ATRNL1: variants seen among roughly 807,000 people sequenced by gnomAD.
The protein encoded by ATRNL1 is attractin-like protein 1.
Under a neutral mutation model 182.7 loss-of-function variants are expected in ATRNL1, and 95 were observed. The ratio of observed to expected loss-of-function variants is 0.52; its 90% CI spans 0.44 to 0.62. The LOEUF (loss-of-function observed/expected upper bound fraction) is 0.62. ATRNL1 is among the 20% of genes least tolerant of loss of function. The probability of loss-of-function intolerance (pLI) is 0.00; values close to 1 mark genes in which losing one functional copy is unlikely to be tolerated. For missense variants in ATRNL1, 1,471 were observed against 1,679.5 expected, an observed-to-expected ratio of 0.88 and a Z score of 2.17; for synonymous variants, 576 against 568.3, an observed-to-expected ratio of 1.01 and a Z score of -0.19.
chr10:115,221,625 G>A (rs992789504), intron 9 of ATRNL1, among the ~76,000 whole-genome samples: 1 of 152,124 alleles, frequency 6.6e-6, no homozygotes, highest in Middle Eastern at 3.2e-3. Context: ...TTAACCTTGA[G>A]ACAGTTAGAA....
rs1555051079 is a variant in ATRNL1 at position 115,700,204 on chromosome 10, A to ATTTT, written c.3796-27044_3796-27043insTTTT. Among the ~76,000 whole-genome samples the ATTTT allele has an allele frequency of 1.3e-3, 199 of 152,324 alleles. 1 individual carries two copies. The highest frequency in any genetic ancestry group is 4.6e-3 in the African/African-American group (190 of 41,580). Reference sequence around the variant, plus strand: ...ATTTATTTCTTTTGGATATATACCCAGTAATGGGATTGCTGGGTCAAATTG... The same window carrying ATTTT: ...ATTTATTTCTTTTGGATATATACCCATTTTGTAATGGGATTGCTGGGTCAAATTG... On this transcript the variant is annotated intron_variant, in intron 26 of 28. Coordinates refer to ENST00000355044, the MANE Select transcript of ATRNL1 (RefSeq NM_207303.4).
intron 26 of ATRNL1, among the ~76,000 whole-genome samples, chr10:115,597,103 T>A (rs538266636): frequency 3.3e-5 from 5 of 152,294 alleles, no homozygotes; most frequent in African/African-American, 1.2e-4. Flanking sequence ...TAGTAAAACA[T>A]TTTGATTATA....
intron 19 of ATRNL1, among the ~76,000 whole-genome samples, chr10:115,367,082 G>A (rs1857087164): frequency 9.4e-6 from 1 of 106,684 alleles, no homozygotes; most frequent in Non-Finnish European, 2.0e-5. Flanking sequence ...CTAGATTGGG[G>A]AAGTTCTCCT....
chr10:115,562,144 G>A (rs1471710042), intron 26 of ATRNL1, among the ~76,000 whole-genome samples: 1 of 152,062 alleles, frequency 6.6e-6, no homozygotes, highest in Non-Finnish European at 1.5e-5. Flanking sequence ...CTGATGAATG[G>A]ACAAATAAAA....
rs782566209 is a variant in ATRNL1 at position 115,096,708 on chromosome 10, G to A, written c.293+2665G>A. 7.8e-6 allele frequency: 10 copies of A among 1,288,220 alleles called. No individual in the cohort carries two copies. In the African/African-American group the frequency reaches 1.1e-4, roughly 14 times the overall value. 79.8% of individuals were successfully genotyped at this position (1,288,220 alleles called of 1,614,324 possible). A position where few individuals can be genotyped will look rare whatever the true frequency, so the allele number is the denominator to read the frequency against. The stretch of plus-strand genomic sequence containing the variant: ...CTTGAGGATAGAAGATTGATAGTTG[G>A]GGGAAGAAATGCAGAAGCAAATATA... On this transcript the variant is annotated intron_variant, in intron 1 of 28. Coordinates refer to ENST00000355044, the MANE Select transcript of ATRNL1 (RefSeq NM_207303.4).
At chr10:115,235,655 T>A (rs1441321312) in intron 9 of ATRNL1, among the ~76,000 whole-genome samples, 2 of 152,302 alleles carry the variant, frequency 1.3e-5, no homozygotes, top group East Asian at 3.9e-4. Context: ...GACATTTGGG[T>A]TGTTTTCACT....
intron 25 of ATRNL1, among the ~76,000 whole-genome samples, chr10:115,548,335 T>C (rs1368998067): frequency 6.6e-6 from 1 of 152,210 alleles, no homozygotes; most frequent in Admixed American, 6.5e-5. Flanking sequence ...GGTCTTCTGC[T>C]TCAAATGAGG....
At chr10:115,696,555 T>A (rs1264955191) in intron 26 of ATRNL1, among the ~76,000 whole-genome samples, 1 of 152,188 alleles carries the variant, frequency 6.6e-6, no homozygotes, top group African/African-American at 2.4e-5. Flanking sequence ...TCAAATTATA[T>A]TTTTGCTTTT....
At chr10:115,545,167 G>A (rs1029858783) in intron 25 of ATRNL1, among the ~76,000 whole-genome samples, 19 of 149,582 alleles carry the variant, frequency 1.3e-4, no homozygotes, top group Admixed American at 2.0e-4. Flanking sequence ...CCCGGGAGGC[G>A]GAGCTTGCAC....
intron 24 of ATRNL1, among the ~76,000 whole-genome samples, chr10:115,516,044 G>C (rs1231377142): frequency 6.6e-6 from 1 of 151,688 alleles, no homozygotes; most frequent in African/African-American, 2.4e-5. Context: ...ACAAGTACAT[G>C]ATTTAAGATG....
chr10:115,668,725 G>A (rs1239952546), intron 26 of ATRNL1, among the ~76,000 whole-genome samples: 2 of 151,972 alleles, frequency 1.3e-5, no homozygotes, highest in African/African-American at 4.8e-5. Flanking sequence ...TCTTAAACAG[G>A]TCACCAAGCA....
intron 26 of ATRNL1, among the ~76,000 whole-genome samples, chr10:115,680,784 T>A (rs924417557): frequency 6.6e-6 from 1 of 152,152 alleles, no homozygotes; most frequent in Non-Finnish European, 1.5e-5. Flanking sequence ...GCAATAGCTA[T>A]ATATATAGCA....
intron 10 of ATRNL1, among the ~76,000 whole-genome samples, chr10:115,255,648 G>A (rs1468728616): frequency 1.3e-5 from 2 of 152,072 alleles, no homozygotes; most frequent in African/African-American, 4.8e-5. Flanking sequence ...TTGCTTGATT[G>A]CCCTGGCCAG....
intron 28 of ATRNL1, among the ~76,000 whole-genome samples, chr10:115,875,103 C>G (rs75186494): frequency 0.022 from 3,293 of 152,264 alleles, 117 homozygotes; most frequent in African/African-American, 0.075. Context: ...ATTGATAGGA[C>G]TTGGTGACAA....
chr10:115,300,546 G>C (rs782143040), intron 16 of ATRNL1, among the ~76,000 whole-genome samples: 19 of 152,022 alleles, frequency 1.2e-4, no homozygotes, highest in Non-Finnish European at 2.4e-4. Flanking sequence ...GATAGTGTTT[G>C]GGAAGAAGAT....
chr10:115,567,861 C>T (rs1408638039), intron 26 of ATRNL1, among the ~76,000 whole-genome samples: 1 of 151,990 alleles, frequency 6.6e-6, no homozygotes, highest in Non-Finnish European at 1.5e-5. Flanking sequence ...TAATAAGTAA[C>T]AGTCACAATG....
At chr10:115,502,242 G>A (rs1174827034) in intron 24 of ATRNL1, among the ~76,000 whole-genome samples, 1 of 151,918 alleles carries the variant, frequency 6.6e-6, no homozygotes, top group African/African-American at 2.4e-5. Flanking sequence ...AATGCTTCTT[G>A]TATAATTTTT....
chr10:115,592,510 C>G (rs1555012603), intron 26 of ATRNL1, among the ~76,000 whole-genome samples: 1 of 152,140 alleles, frequency 6.6e-6, no homozygotes, highest in African/African-American at 2.4e-5. Flanking sequence ...TAACCATTAG[C>G]AGACCCACGC....
At chr10:115,700,865 G>A (rs757102859) in intron 26 of ATRNL1, among the ~76,000 whole-genome samples, 29 of 151,990 alleles carry the variant, frequency 1.9e-4, no homozygotes, top group Non-Finnish European at 3.8e-4. Flanking sequence ...GAGGGGAAGT[G>A]CAACACCCCA....
Sources: allele counts gnomAD v4.1 joint callset (sites outside exome capture counted in the v4.1 genomes callset), GRCh38; gene constraint gnomAD v4.1.1; transcripts MANE v1.5; gene names NCBI Gene and HGNC (gene_info 2026-07-23, HGNC 2026-07-21).